Variants in DLG2 observed in about 807,000 individuals in gnomAD.
DLG2 encodes discs large MAGUK scaffold protein 2, also known as disks large homolog 2.
DLG2 carries 45 observed loss-of-function variants against 132.5 expected under a neutral mutation model. The observed-to-expected ratio is 0.34, with a 90% CI of 0.27 to 0.44. DLG2 has a LOEUF of 0.44. DLG2 is among the 20% of genes least tolerant of loss of function. The probability of loss-of-function intolerance (pLI) is 1.00; values close to 1 mark genes in which losing one functional copy is unlikely to be tolerated. For synonymous variants in DLG2, 424 were observed against 419.6 expected (o/e 1.01, Z -0.13); for missense variants, 1,045 against 1,196.9 (o/e 0.87, Z 1.87).
intron 6 of DLG2, among the ~76,000 whole-genome samples, chr11:85,010,883 A>G (rs1418404816): frequency 6.6e-6 from 1 of 152,156 alleles, no homozygotes; most frequent in Non-Finnish European, 1.5e-5. Context: ...AATAAGAGAC[A>G]TTTTCTCAAG....
At chr11:84,920,696 T>C (rs940002061) in intron 6 of DLG2, among the ~76,000 whole-genome samples, 2 of 117,710 alleles carry the variant, frequency 1.7e-5, no homozygotes, top group Non-Finnish European at 3.7e-5. Context: ...AGGAGTCATA[T>C]TCTGATGTTT....
chr11:83,902,999 G>A (rs1165486861), intron 15 of DLG2, among the ~76,000 whole-genome samples: 10 of 152,092 alleles, frequency 6.6e-5, no homozygotes, highest in African/African-American at 9.6e-5. Flanking sequence ...TCATAGCACC[G>A]TCCATACAAC....
chr11:83,635,602 T>G (rs952017749), intron 18 of DLG2, among the ~76,000 whole-genome samples: 10 of 152,190 alleles, frequency 6.6e-5, no homozygotes, highest in Non-Finnish European at 1.2e-4. Flanking sequence ...TGGGTAGCTG[T>G]GTGTACATAC....
At chr11:84,344,842 A>T (rs927230132) in intron 7 of DLG2, among the ~76,000 whole-genome samples, 1 of 152,132 alleles carries the variant, frequency 6.6e-6, no homozygotes, top group African/African-American at 2.4e-5. Flanking sequence ...TTTTTACTGC[A>T]TTTTGCATTT....
At chr11:85,060,087 A>G (rs2063889962) in intron 6 of DLG2, among the ~76,000 whole-genome samples, 1 of 151,506 alleles carries the variant, frequency 6.6e-6, no homozygotes, top group Non-Finnish European at 1.5e-5. Flanking sequence ...CATTAAAGAA[A>G]AACTCACCAT....
intron 3 of DLG2, among the ~76,000 whole-genome samples, chr11:85,384,614 G>A (rs763656956): frequency 6.6e-5 from 10 of 152,088 alleles, no homozygotes; most frequent in Non-Finnish European, 8.8e-5. Context: ...TGTTTCCCAC[G>A]CTGGAGTGCA....
chr11:85,165,988 C>T (rs2078412176), intron 4 of DLG2, among the ~76,000 whole-genome samples: 1 of 152,134 alleles, frequency 6.6e-6, no homozygotes, highest in South Asian at 2.1e-4. Flanking sequence ...TTACTGCCCA[C>T]TCATCCTTTC....
At chr11:83,630,078 G>A (rs1206967069) in intron 19 of DLG2, among the ~76,000 whole-genome samples, 1 of 152,002 alleles carries the variant, frequency 6.6e-6, no homozygotes. Flanking sequence ...AGTACTTCAA[G>A]CACTTCACAC....
intron 8 of DLG2, among the ~76,000 whole-genome samples, chr11:84,212,130 G>C (rs1425093110): frequency 6.6e-6 from 1 of 152,140 alleles, no homozygotes; most frequent in Non-Finnish European, 1.5e-5. Context: ...TGAGCAAATG[G>C]AATATTCATG....
At chr11:84,945,202 A>G (rs2050044566) in intron 6 of DLG2, among the ~76,000 whole-genome samples, 1 of 152,176 alleles carries the variant, frequency 6.6e-6, no homozygotes, top group Non-Finnish European at 1.5e-5. Context: ...CAATCCAAGT[A>G]TTCAAAGGTA....
At chr11:85,158,707 G>A (rs1006628971) in intron 4 of DLG2, among the ~76,000 whole-genome samples, 2 of 152,218 alleles carry the variant, frequency 1.3e-5, no homozygotes, top group Admixed American at 6.5e-5. Flanking sequence ...ACCTCCAAAG[G>A]CAAGGTAAGC....
chr11:84,264,849 T>C (rs2097594239), intron 7 of DLG2, among the ~76,000 whole-genome samples: 1 of 152,190 alleles, frequency 6.6e-6, no homozygotes, highest in Admixed American at 6.5e-5. Context: ...CTTCTAGTCC[T>C]GCACTTGGAT....
At chr11:83,829,657 G>T (rs2053896517) in intron 17 of DLG2, among the ~76,000 whole-genome samples, 1 of 152,060 alleles carries the variant, frequency 6.6e-6, no homozygotes, top group Non-Finnish European at 1.5e-5. Flanking sequence ...TAATGTTTGA[G>T]CTTCTCAAGA....
At chr11:85,146,038 G>C (rs2076816651) in intron 5 of DLG2, among the ~76,000 whole-genome samples, 1 of 152,072 alleles carries the variant, frequency 6.6e-6, no homozygotes, top group South Asian at 2.1e-4. Context: ...GGTCACTGAA[G>C]CCATATCAAC....
intron 11 of DLG2, among the ~76,000 whole-genome samples, chr11:84,011,570 G>C (rs1322686909): frequency 6.6e-6 from 1 of 152,020 alleles, no homozygotes; most frequent in African/African-American, 2.4e-5. Flanking sequence ...ATTATTGTCA[G>C]TTGGCATTTT....
At chr11:83,532,474 A>G (rs1320286684) in intron 21 of DLG2, among the ~76,000 whole-genome samples, 4 of 152,114 alleles carry the variant, frequency 2.6e-5, no homozygotes, top group South Asian at 2.1e-4. Context: ...CATCACCTTC[A>G]TCAACACACT....
chr11:84,163,538 G>T (rs369265186), intron 8 of DLG2, 27 bp from the exon 9 acceptor site: 4 of 1,576,152 alleles, frequency 2.5e-6, no homozygotes, highest in African/African-American at 1.4e-5. Flanking sequence ...AATAAGAAGA[G>T]AACTATTAAA....
chr11:85,244,991 C>T lies in DLG2; in HGVS notation c.186+40229G>A, dbSNP rs77976332. 5.2e-3 allele frequency among the ~76,000 whole-genome samples: 794 copies of T among 151,940 alleles called. 2 individuals are homozygous for T. The highest frequency in any genetic ancestry group is 8.7e-3 in the Non-Finnish European group (591 of 67,860). The stretch of plus-strand genomic sequence containing the variant: ...AACTGGGCAACATGGAATCATAGAC[C>T]AGTGTGGGAGCTTAGAGTTAGGTGG... On this transcript the variant is annotated intron_variant, in intron 4 of 27. Transcript: ENST00000376104.
intron 3 of DLG2, among the ~76,000 whole-genome samples, chr11:85,388,577 C>T (rs1008169266): frequency 3.9e-5 from 6 of 152,084 alleles, no homozygotes; most frequent in South Asian, 2.1e-4. Flanking sequence ...CACAAGCAAG[C>T]GCTCATACAG....
Sources: gnomAD v4.1 joint callset for allele counts (sites outside exome capture counted in the v4.1 genomes callset) on GRCh38, gnomAD v4.1.1 for gene constraint, MANE v1.5 for transcripts, NCBI Gene and HGNC (gene_info 2026-07-23, HGNC 2026-07-21) for gene names.